The following BCCIP variants were observed in gnomAD, a reference collection of about 807,000 sequenced individuals.
BCCIP encodes BRCA2 and CDKN1A interacting protein.
A neutral mutation model predicts 32.8 loss-of-function variants in BCCIP; 23 were observed. The observed-to-expected ratio is 0.70, with a 90% CI of 0.51 to 0.99. The LOEUF is 0.99. Ranked by LOEUF, BCCIP falls within the 50% of genes least tolerant of loss-of-function variation. BCCIP has a pLI of 0.00. For missense variants in BCCIP, 378 were observed against 379.8 expected, an observed-to-expected ratio of 1.00 and a Z score of 0.04; for synonymous variants, 144 against 137.6, an observed-to-expected ratio of 1.05 and a Z score of -0.33.
intron 7 of BCCIP, among the ~76,000 whole-genome samples, chr10:125,849,807 G>T (rs796867821): frequency 8.5e-5 from 13 of 152,310 alleles, no homozygotes; most frequent in African/African-American, 3.1e-4. Flanking sequence ...CAAATCTTGA[G>T]TTTCCAAGTG....
intron 6 of BCCIP, 177 bp downstream of exon 6, chr10:125,834,123 A>G (rs1015100945): frequency 1.2e-4 from 80 of 669,332 alleles, no homozygotes; most frequent in Non-Finnish European, 1.8e-4. Flanking sequence ...GTAGGTACTC[A>G]GGAGGCTAGG....
intron 3 of BCCIP, among the ~76,000 whole-genome samples, chr10:125,829,965 G>C (rs1343285596): frequency 6.6e-6 from 1 of 151,688 alleles, no homozygotes; most frequent in Non-Finnish European, 1.5e-5. Context: ...TACCCATAGT[G>C]TTCGGTGGAG....
At chr10:125,827,273 CTT>C (rs1289547300) in intron 2 of BCCIP, among the ~76,000 whole-genome samples, 7 of 152,040 alleles carry the variant, frequency 4.6e-5, no homozygotes, top group Non-Finnish European at 1.0e-4. Context: ...GCTCTACCGT[CTT>C]TTTCACCAAA....
intron 7 of BCCIP, among the ~76,000 whole-genome samples, chr10:125,847,840 T>C (rs1002495773): frequency 6.6e-6 from 1 of 152,010 alleles, no homozygotes. Context: ...ATCCCTGGCA[T>C]GTGCAGTTCA....
chr10:125,837,757 C>T (rs1854741628), downstream of BCCIP, among the ~76,000 whole-genome samples: 1 of 152,178 alleles, frequency 6.6e-6, no homozygotes, highest in Non-Finnish European at 1.5e-5. Flanking sequence ...TTAAAATGCT[C>T]CAATTGCTGT....
intron 5 of BCCIP, among the ~76,000 whole-genome samples, chr10:125,832,834 G>C (rs1316222851): frequency 6.7e-6 from 1 of 149,822 alleles, no homozygotes; most frequent in Non-Finnish European, 1.5e-5. Flanking sequence ...TTTTGAAAAG[G>C]CCAGGTGTGG....
chr10:125,835,511 AGAG>A (rs1854651053), intron 6 of BCCIP, among the ~76,000 whole-genome samples: 1 of 150,106 alleles, frequency 6.7e-6, no homozygotes, highest in Non-Finnish European at 1.5e-5. Flanking sequence ...CCCGGGAGGC[AGAG>A]CTTGCGGTGA....
At chr10:125,829,267 A>C (rs1854472317) in intron 3 of BCCIP, among the ~76,000 whole-genome samples, 1 of 152,164 alleles carries the variant, frequency 6.6e-6, no homozygotes, top group South Asian at 2.1e-4. Flanking sequence ...GGGTAAACAA[A>C]ATGAATTGCT....
intron 7 of BCCIP, among the ~76,000 whole-genome samples, chr10:125,851,796 C>T (rs1944092372): frequency 6.6e-6 from 1 of 151,870 alleles, no homozygotes; most frequent in African/African-American, 2.4e-5. Context: ...TGGCTTGCAC[C>T]TGTGGTCCCA....
exon 8 of BCCIP, chr10:125,853,166 G>T (rs765172574): frequency 6.2e-7 from 1 of 1,612,846 alleles, no homozygotes; most frequent in South Asian, 1.1e-5. Flanking sequence ...TTCTCTGAAG[G>T]CTGGACTAAT....
chr10:125,838,514 TG>T, downstream of BCCIP: 1 of 873,506 alleles, frequency 1.1e-6, no homozygotes, highest in Non-Finnish European at 1.6e-6. Context: ...TTGCCACTCA[TG>T]TTTCCTACTT....
downstream of BCCIP, chr10:125,838,886 G>T: frequency 8.3e-7 from 1 of 1,202,122 alleles, no homozygotes; most frequent in Non-Finnish European, 1.2e-6. Flanking sequence ...ATAATAACAT[G>T]GATTTTTAGT....
At chr10:125,841,006 G>A, downstream of BCCIP, 1 of 1,589,734 alleles carries the variant, frequency 6.3e-7, no homozygotes, top group Non-Finnish European at 8.6e-7. Context: ...GCTTCAAAAT[G>A]AAAAAGGTCA....
At chr10:125,833,143 A>G (rs1854566513) in intron 5 of BCCIP, among the ~76,000 whole-genome samples, 1 of 152,108 alleles carries the variant, frequency 6.6e-6, no homozygotes, top group Non-Finnish European at 1.5e-5. Context: ...AAAAGAAAAA[A>G]AAAAAAAAGG....
chr10:125,836,921 T>C, downstream of BCCIP: 1 of 1,428,434 alleles, frequency 7.0e-7, no homozygotes, highest in Non-Finnish European at 9.7e-7. Flanking sequence ...CCAAACATTA[T>C]GTCTGGGCAC....
chr10:125,838,471 A>C (rs1854772009), downstream of BCCIP: 1 of 1,269,404 alleles, frequency 7.9e-7, no homozygotes, highest in Non-Finnish European at 1.1e-6. Flanking sequence ...AAAAATACCA[A>C]AGTATTTTAT....
chr10:125,826,118 C>G (rs1364406125), intron 1 of BCCIP: 1 of 155,204 alleles, frequency 6.4e-6, no homozygotes, highest in Non-Finnish European at 1.4e-5. Context: ...TGAATATTTC[C>G]TTAATGCCTA....
chr10:125,830,706 T>C, intron 4 of BCCIP, 55 bp downstream of exon 4: 2 of 1,001,030 alleles, frequency 2.0e-6, no homozygotes, highest in East Asian at 2.4e-5. Flanking sequence ...AAACCACTTT[T>C]ATTTAATGCA....
downstream of BCCIP, chr10:125,839,107 A>G (rs528964683): frequency 7.4e-6 from 12 of 1,614,220 alleles, no homozygotes; most frequent in South Asian, 4.4e-5. Context: ...GATAATTTCT[A>G]AGAGTTCAGC....
Sources: gnomAD v4.1 joint callset for allele counts (sites outside exome capture counted in the v4.1 genomes callset) on GRCh38, gnomAD v4.1.1 for gene constraint, MANE v1.5 for transcripts, NCBI Gene and HGNC (gene_info 2026-07-23, HGNC 2026-07-21) for gene names.